Variants in NUMB observed in about 807,000 individuals in gnomAD.
The protein encoded by NUMB is protein numb homolog.
NUMB carries 29 observed loss-of-function variants against 59.7 expected under a neutral mutation model. The ratio of observed to expected loss-of-function variants is 0.49; its 90% CI spans 0.36 to 0.66. NUMB has a LOEUF of 0.66. Ranked by LOEUF, NUMB falls within the 30% of genes least tolerant of loss-of-function variation. The probability of loss-of-function intolerance (pLI) is 0.00; values close to 1 mark genes in which losing one functional copy is unlikely to be tolerated. For synonymous variants in NUMB, 288 were observed against 288.2 expected, an observed-to-expected ratio of 1.00 and a Z score of 0.01; for missense variants, 723 against 822.0, an observed-to-expected ratio of 0.88 and a Z score of 1.47.
intron 6 of NUMB, among the ~76,000 whole-genome samples, chr14:73,302,116 T>C (rs1005370312): frequency 1.8e-4 from 27 of 152,110 alleles, no homozygotes; most frequent in African/African-American, 6.3e-4. Context: ...ATTGTGCTTT[T>C]TGAGATAGGC....
At chr14:73,279,491 C>T in intron 11 of NUMB, 67 bp from the exon 12 acceptor site, 1 of 1,454,164 alleles carries the variant, frequency 6.9e-7, no homozygotes, top group Non-Finnish European at 9.2e-7. Flanking sequence ...CCCCTTGGAG[C>T]TGTGTCAGTC....
intron 1 of NUMB, among the ~76,000 whole-genome samples, chr14:73,426,866 T>C (rs1227827309): frequency 1.3e-5 from 2 of 151,160 alleles, no homozygotes; most frequent in Non-Finnish European, 3.0e-5. Context: ...ACAAAAAAAT[T>C]AGCCAGGCAT....
intron 2 of NUMB, among the ~76,000 whole-genome samples, chr14:73,380,630 T>C (rs941545728): frequency 1.3e-5 from 2 of 152,060 alleles, no homozygotes; most frequent in African/African-American, 2.4e-5. Flanking sequence ...CATGATCCCA[T>C]AGATCTTAGG....
chr14:73,425,306 T>C (rs182898557), intron 1 of NUMB, among the ~76,000 whole-genome samples: 63 of 152,268 alleles, frequency 4.1e-4, no homozygotes, highest in African/African-American at 1.4e-3. Flanking sequence ...TTGCAGTTCA[T>C]CATGAAAAAC....
At chr14:73,426,070 A>C (rs1485365405) in intron 1 of NUMB, among the ~76,000 whole-genome samples, 1 of 152,094 alleles carries the variant, frequency 6.6e-6, no homozygotes, top group Non-Finnish European at 1.5e-5. Flanking sequence ...TTGGCCTCCA[A>C]AAGTGCTGGG....
intron 4 of NUMB, among the ~76,000 whole-genome samples, chr14:73,336,700 T>A (rs1892336376): frequency 1.3e-5 from 2 of 152,158 alleles, no homozygotes; most frequent in Admixed American, 1.3e-4. Flanking sequence ...ATTCTGTTAA[T>A]ACAAAATTTC....
chr14:73,376,529 G>GAA (rs61101874), intron 2 of NUMB, among the ~76,000 whole-genome samples: 14 of 141,418 alleles, frequency 9.9e-5, no homozygotes, highest in African/African-American at 3.3e-4. Flanking sequence ...AGTTTATATG[G>GAA]AAAAAAAAAA....
intron 3 of NUMB, among the ~76,000 whole-genome samples, chr14:73,363,913 C>T (rs191046576): frequency 6.6e-6 from 1 of 152,266 alleles, no homozygotes; most frequent in East Asian, 1.9e-4. Flanking sequence ...CATACCATTG[C>T]ACCGGACTGG....
In NUMB at chr14:73,296,484, A is replaced by G. The variant is rs371696060; in HGVS notation, c.309+727T>C. ...AACTCAGATCTTAACACTAAATGCT[A>G]ATGCTTAGTACCTTAGACATGCTAT... On this transcript the variant is annotated intron_variant, in intron 7 of 12. Transcript: ENST00000555238. Among the ~76,000 whole-genome samples the G allele has an allele frequency of 2.2e-4, 34 of 152,228 alleles. No individual in the cohort carries two copies. In the South Asian group the frequency reaches 7.0e-3, roughly 32 times the overall value.
At chr14:73,400,987 G>C (rs1045582111) in intron 2 of NUMB, among the ~76,000 whole-genome samples, 2 of 152,160 alleles carry the variant, frequency 1.3e-5, no homozygotes. Context: ...AGGGAGCTGT[G>C]GTAACCCCAA....
intron 4 of NUMB, among the ~76,000 whole-genome samples, chr14:73,340,707 A>G (rs1015216818): frequency 9.9e-5 from 15 of 152,242 alleles, no homozygotes; most frequent in Admixed American, 2.0e-4. Flanking sequence ...AAACAATATT[A>G]AAAGTCATAA....
intron 1 of NUMB, among the ~76,000 whole-genome samples, chr14:73,434,144 A>G (rs1247194296): frequency 6.6e-6 from 1 of 152,208 alleles, no homozygotes; most frequent in East Asian, 1.9e-4. Flanking sequence ...CTGCACAATG[A>G]TATGCTCAAC....
chr14:73,334,766 G>A (rs1892198907), intron 4 of NUMB, among the ~76,000 whole-genome samples: 1 of 151,842 alleles, frequency 6.6e-6, no homozygotes, highest in African/African-American at 2.4e-5. Flanking sequence ...CCAACATGGT[G>A]AAAAACTCCG....
At chr14:73,443,708 T>C (rs192926674) in intron 1 of NUMB, among the ~76,000 whole-genome samples, 1 of 152,046 alleles carries the variant, frequency 6.6e-6, no homozygotes, top group African/African-American at 2.4e-5. Flanking sequence ...TGGAGTGCAG[T>C]AGCGTGATCT....
chr14:73,286,234 G>C (rs1229483463), intron 9 of NUMB: 1 of 106,500 alleles, frequency 9.4e-6, no homozygotes, highest in African/African-American at 3.7e-5. Context: ...AAGGGATAGA[G>C]TCTATGTTGC....
intron 4 of NUMB, 108 bp downstream of exon 4, chr14:73,355,518 A>T (rs1893737119): frequency 8.8e-6 from 8 of 909,660 alleles, no homozygotes; most frequent in African/African-American, 1.7e-5. Context: ...ATGTGAAGGG[A>T]TTTGTTTTTT....
chr14:73,420,804 G>T (rs939883756), intron 1 of NUMB, among the ~76,000 whole-genome samples: 2 of 152,064 alleles, frequency 1.3e-5, no homozygotes, highest in African/African-American at 4.8e-5. Context: ...ATAGACACTT[G>T]CACCTATACA....
rs79599948 is a variant in NUMB at position 73,456,900 on chromosome 14, G to C, written c.-233+1593C>G. ...AATCTACATTTTACCAAGCCCTCCAGGTGATTTTGATGCAAGCTAACATCT... is the reference window on the plus strand; with the variant it reads ...AATCTACATTTTACCAAGCCCTCCACGTGATTTTGATGCAAGCTAACATCT... On this transcript the variant is annotated intron_variant, in intron 1 of 12. Transcript: ENST00000555238. 1.7e-3 allele frequency among the ~76,000 whole-genome samples: 258 copies of C among 152,270 alleles called. 1 individual carries two copies. Among genetic ancestry groups the C allele is most frequent in the Non-Finnish European group, 3.4e-3 (230 of 68,010 alleles).
In NUMB at chr14:73,279,363, G is replaced by T. The variant is rs757736274; in HGVS notation, c.1158C>A (p.Pro386=). Residue 386 remains proline, a synonymous_variant, in exon 12 of 13, where the codon CCC becomes CCA. Coordinates refer to ENST00000555238, the MANE Select transcript of NUMB (RefSeq NM_001005743.2). ...LAKPAHTALA[P]VAMPVRETNP... is the part of the protein sequence containing the mutation. ...TGGTTTCACGCACAGGCATTGCTAC[G>T]GGTGCTAGAGCAGTATGGGCTGGCT... 2 of 1,612,608 alleles carry T rather than the reference G, an allele frequency of 1.2e-6. No individual in the cohort carries two copies. The highest frequency in any genetic ancestry group is 3.3e-5 in the Admixed American group (2 of 59,814).
Sources: gnomAD v4.1 joint callset for allele counts (sites outside exome capture counted in the v4.1 genomes callset) on GRCh38, gnomAD v4.1.1 for gene constraint, MANE v1.5 for transcripts, NCBI Gene and HGNC (gene_info 2026-07-23, HGNC 2026-07-21) for gene names.